Variants in SH3RF3 observed in about 807,000 individuals in gnomAD.
The protein encoded by SH3RF3 is E3 ubiquitin-protein ligase SH3RF3.
SH3RF3 carries 29 observed loss-of-function variants against 66.3 expected under a neutral mutation model. The observed-to-expected ratio is 0.44, with a 90% confidence interval of 0.33 to 0.60. The LOEUF is 0.60. Ranked by LOEUF, SH3RF3 falls within the 20% of genes least tolerant of loss-of-function variation. The probability of loss-of-function intolerance (pLI) is 0.04; values close to 1 mark genes in which losing one functional copy is unlikely to be tolerated. For synonymous variants in SH3RF3, 583 were observed against 532.0 expected, an observed-to-expected ratio of 1.10 and a Z score of -1.32; for missense variants, 1,194 against 1,190.9, an observed-to-expected ratio of 1.00 and a Z score of -0.04.
chr2:109,221,981 TA>T (rs200758836), intron 1 of SH3RF3, among the ~76,000 whole-genome samples: 14,005 of 145,344 alleles, frequency 0.096, 1,046 homozygotes, highest in East Asian at 0.34. Context: ...ATGAATGGAT[TA>T]AAAAAAAAAA....
In SH3RF3 at chr2:109,395,292, C is replaced by T. The variant is rs114460565; in HGVS notation, c.946-3298C>T. ...TTGAGGCCCTTCGGGTTAGTCCACT[C>T]TGGGCTTTCAGAACGAAGACTGACA... On this transcript the variant is annotated intron_variant, in intron 3 of 9. Coordinates refer to ENST00000309415, the MANE Select transcript of SH3RF3 (RefSeq NM_001099289.3). Among the ~76,000 whole-genome samples the T allele has an allele frequency of 5.4e-3, 821 of 152,342 alleles. 7 individuals are homozygous for T. The highest frequency in any genetic ancestry group is 0.019 in the African/African-American group (783 of 41,572).
intron 1 of SH3RF3, among the ~76,000 whole-genome samples, chr2:109,285,952 G>A (rs1216951828): frequency 6.6e-6 from 1 of 152,160 alleles, no homozygotes; most frequent in Non-Finnish European, 1.5e-5. Flanking sequence ...TCTGCCCTGG[G>A]TTCTGAGGGT....
intron 6 of SH3RF3, among the ~76,000 whole-genome samples, chr2:109,433,445 G>A (rs147533767): frequency 2.0e-5 from 3 of 152,320 alleles, no homozygotes; most frequent in Non-Finnish European, 4.4e-5. Context: ...TTTTCGCTGA[G>A]ATGAGGATCC....
intron 1 of SH3RF3, among the ~76,000 whole-genome samples, chr2:109,202,273 TC>T (rs1678693448): frequency 6.6e-6 from 1 of 152,074 alleles, no homozygotes; most frequent in Admixed American, 6.5e-5. Context: ...GCCTCCCAGG[TC>T]CATCTCGGCA....
In SH3RF3 at chr2:109,504,518, A is replaced by G. The variant is rs1362282080; in HGVS notation, c.*2847A>G. 1.3e-5 allele frequency: 2 copies of G among 152,200 alleles called. No homozygotes were observed. The highest frequency in any genetic ancestry group is 2.4e-5 in the African/African-American group (1 of 41,450). 9.4% of individuals were successfully genotyped at this position (152,200 alleles called of 1,614,324 possible). ...TCACACACACAAACACACACACCCT[A>G]TCCCAAGTGTTTTTGTTAGACACAA... On this transcript the variant is annotated 3_prime_UTR_variant, in exon 10 of 10. Coordinates refer to ENST00000309415, the MANE Select transcript of SH3RF3 (RefSeq NM_001099289.3).
intron 1 of SH3RF3, among the ~76,000 whole-genome samples, chr2:109,212,595 A>G (rs1679012302): frequency 6.6e-6 from 1 of 152,184 alleles, no homozygotes; most frequent in African/African-American, 2.4e-5. Context: ...TGACCCACAC[A>G]TTTGACAGAT....
chr2:109,468,715 A>G (rs1258757093), intron 8 of SH3RF3, among the ~76,000 whole-genome samples: 1 of 151,838 alleles, frequency 6.6e-6, no homozygotes, highest in Non-Finnish European at 1.5e-5. Flanking sequence ...TGAGCCAGGC[A>G]TGGTGGCGGG....
chr2:109,137,080 A>T (rs1558919672), intron 1 of SH3RF3, among the ~76,000 whole-genome samples: 1 of 152,056 alleles, frequency 6.6e-6, no homozygotes, highest in African/African-American at 2.4e-5. Context: ...ATGAAATGTA[A>T]TTTTTTTTCC....
intron 7 of SH3RF3, among the ~76,000 whole-genome samples, chr2:109,440,846 C>T (rs959574320): frequency 2.0e-5 from 3 of 152,086 alleles, no homozygotes; most frequent in South Asian, 2.1e-4. Context: ...ACATGAGAAA[C>T]GTACCCAAAG....
At chr2:109,140,608 C>T (rs548652893) in intron 1 of SH3RF3, among the ~76,000 whole-genome samples, 57 of 152,254 alleles carry the variant, frequency 3.7e-4, no homozygotes, top group African/African-American at 1.3e-3. Context: ...GTCTTGATCT[C>T]CTGACCTCAT....
In SH3RF3 at chr2:109,264,336, C is replaced by T. The variant is rs1971765; in HGVS notation, c.574-83338C>T. On this transcript the variant is annotated intron_variant, in intron 1 of 9. Transcript: ENST00000309415. ...TCTGTGTGTGCTCCCCGTTCACCTC[C>T]CCAGGATCCACTCCGAGTCTGTGGG... is the stretch of plus-strand genomic sequence containing the variant. Among the ~76,000 whole-genome samples, 862 of 148,414 alleles carry T rather than the reference C, an allele frequency of 5.8e-3. 4 individuals are homozygous for T. Among genetic ancestry groups the T allele is most frequent in the South Asian group, 0.016 (75 of 4,560 alleles).
chr2:109,453,454 A>AT (rs1172036517), intron 8 of SH3RF3, among the ~76,000 whole-genome samples: 2 of 152,202 alleles, frequency 1.3e-5, no homozygotes, highest in African/African-American at 4.8e-5. Flanking sequence ...CTGGTTTTGA[A>AT]ACTGTGTGAG....
At chr2:109,272,993 A>G (rs1680665096) in intron 1 of SH3RF3, among the ~76,000 whole-genome samples, 1 of 152,224 alleles carries the variant, frequency 6.6e-6, no homozygotes, top group African/African-American at 2.4e-5. Flanking sequence ...AAATTAAAAC[A>G]GGGAAAGAAA....
At chr2:109,290,562 C>T (rs1192768294) in intron 1 of SH3RF3, among the ~76,000 whole-genome samples, 1 of 152,244 alleles carries the variant, frequency 6.6e-6, no homozygotes, top group Non-Finnish European at 1.5e-5. Flanking sequence ...TATCCTTTGG[C>T]CCGCCCAATG....
At chr2:109,229,642 C>G (rs946660644) in intron 1 of SH3RF3, among the ~76,000 whole-genome samples, 2 of 152,142 alleles carry the variant, frequency 1.3e-5, no homozygotes, top group Admixed American at 6.5e-5. Context: ...CCTCCAGGGT[C>G]AGGAAGGCCC....
intron 8 of SH3RF3, among the ~76,000 whole-genome samples, chr2:109,458,572 C>CAGAGAGAGAGAGAGAGAGAG (rs70958708): frequency 0.014 from 1,679 of 122,950 alleles, 119 homozygotes; most frequent in African/African-American, 0.022. Context: ...CAGCAGGAGA[C>CAGAGAGAGAGAGAGAGAGAG]AGAGAGAGAG....
At chr2:109,205,629 A>G (rs12619673) in intron 1 of SH3RF3, among the ~76,000 whole-genome samples, 108,799 of 152,086 alleles carry the variant, frequency 0.72, 39,322 homozygotes, top group East Asian at 0.9. Flanking sequence ...GGAGAAGGCC[A>G]CGGTGAGAAT....
At chr2:109,437,489 C>G (rs912384084) in intron 7 of SH3RF3, among the ~76,000 whole-genome samples, 1 of 152,212 alleles carries the variant, frequency 6.6e-6, no homozygotes, top group Non-Finnish European at 1.5e-5. Flanking sequence ...AAGAGGGCCT[C>G]ATAGACTAAT....
intron 1 of SH3RF3, among the ~76,000 whole-genome samples, chr2:109,335,289 T>C (rs999316410): frequency 6.6e-6 from 1 of 152,220 alleles, no homozygotes; most frequent in African/African-American, 2.4e-5. Flanking sequence ...TAGCATGTTT[T>C]CTCAGGTGTC....
Sources: gnomAD v4.1 joint callset for allele counts (sites outside exome capture counted in the v4.1 genomes callset) on GRCh38, gnomAD v4.1.1 for gene constraint, MANE v1.5 for transcripts, NCBI Gene and HGNC (gene_info 2026-07-23, HGNC 2026-07-21) for gene names.